The following KIF11 variants were observed in gnomAD, a reference collection of about 807,000 sequenced individuals.
The protein encoded by KIF11 is kinesin-like protein KIF11.
In KIF11, 9 loss-of-function variants were observed where a neutral mutation model predicts 121.0. The observed-to-expected ratio is 0.07, with a 90% CI of 0.04 to 0.13. The LOEUF (loss-of-function observed/expected upper bound fraction) is 0.13, where lower values mean the gene tolerates loss of function less well. Ranked by LOEUF, KIF11 falls within the 10% of genes least tolerant of loss-of-function variation. The probability of loss-of-function intolerance (pLI) is 1.00; values close to 1 mark genes in which losing one functional copy is unlikely to be tolerated. For synonymous variants in KIF11, 408 were observed against 421.0 expected (o/e 0.97, Z 0.38); for missense variants, 846 against 1,217.5 (o/e 0.69, Z 4.54).
chr10:92,638,227 A>C (rs7085790), intron 16 of KIF11, among the ~76,000 whole-genome samples: 22,684 of 152,146 alleles, frequency 0.15, 3,595 homozygotes, highest in African/African-American at 0.4. Context: ...ACATTTATTG[A>C]GCAATTCACT....
chr10:92,631,113 C>G (rs1277745188), intron 12 of KIF11, among the ~76,000 whole-genome samples: 1 of 150,008 alleles, frequency 6.7e-6, no homozygotes, highest in Non-Finnish European at 1.5e-5. Context: ...TGGTAAAACC[C>G]CATCTCTACT....
rs117424150 is a variant in KIF11, at chr10:92,624,135, C to T, written c.1217+2662C>T. On this transcript the variant is annotated intron_variant, in intron 10 of 21. Coordinates refer to ENST00000260731, the MANE Select transcript of KIF11 (RefSeq NM_004523.4). ...TTTAGCTCCTACTTATAAGTGAGAA[C>T]GTTTGGTGTTTGGTTTTCTGTTCCT... is the stretch of plus-strand genomic sequence containing the variant. Among the ~76,000 whole-genome samples, 710 of 151,612 alleles carry T rather than the reference C, an allele frequency of 4.7e-3. 3 individuals carry two copies. The highest frequency in any genetic ancestry group is 0.024 in the Middle Eastern group (7 of 294).
chr10:92,617,984 C>G (rs1354322316), intron 9 of KIF11, among the ~76,000 whole-genome samples: 1 of 152,064 alleles, frequency 6.6e-6, no homozygotes, highest in South Asian at 2.1e-4. Flanking sequence ...GTAATCTGCC[C>G]GCCTCAGCCT....
chr10:92,613,642 G>T lies in KIF11; in HGVS notation c.1032+23G>T, dbSNP rs1449117351. ...GAGGTAAGCCCTTTGAAAGGAAGCTGCAAGTGTAGTAGCTGTAATTCTTAT... is the reference window on the plus strand; with the variant it reads ...GAGGTAAGCCCTTTGAAAGGAAGCTTCAAGTGTAGTAGCTGTAATTCTTAT... On this transcript the variant is annotated intron_variant, in intron 8 of 21. Coordinates refer to ENST00000260731, the MANE Select transcript of KIF11 (RefSeq NM_004523.4). This position sits in a 1 kb window ranked among gnomAD's most constrained non-coding sequence, Gnocchi z 4.2. 46 of 1,590,384 alleles carry T rather than the reference G, an allele frequency of 2.9e-5. No homozygotes were observed. The highest frequency in any genetic ancestry group is 3.8e-5 in the Non-Finnish European group (45 of 1,169,260).
chr10:92,637,032 CAAAAAAAAAAAA>C (rs66987236), intron 14 of KIF11, 140 bp from the exon 15 acceptor site: 3 of 374,800 alleles, frequency 8.0e-6, no homozygotes, highest in Admixed American at 1.3e-4. Context: ...GACTCCGTCT[CAAAAAAAAAAAA>C]AAAAAAAAAG....
Position 92,633,811 on chromosome 10 carries a change from A to C in KIF11, c.1875+16A>C, listed in dbSNP as rs768272123. The C allele has an allele frequency of 6.6e-7, 1 of 1,505,062 alleles. No individual in the cohort carries two copies. The allele number at this position is 1,505,062 out of a possible 1,614,324, so 93.2% of individuals were successfully genotyped here. On this transcript the variant is annotated intron_variant, in intron 14 of 21. Coordinates refer to ENST00000260731, the MANE Select transcript of KIF11 (RefSeq NM_004523.4). ...GGAATTGATTGTTAGTACATCCTTTAAAATATTTTTGAAGGGTTGCATTTG... is the reference window on the plus strand; with the variant it reads ...GGAATTGATTGTTAGTACATCCTTTCAAATATTTTTGAAGGGTTGCATTTG...
intron 19 of KIF11, among the ~76,000 whole-genome samples, 174 bp from the exon 20 acceptor site, chr10:92,649,661 G>A (rs974689029): frequency 1.3e-5 from 2 of 152,168 alleles, no homozygotes; most frequent in African/African-American, 4.8e-5. Context: ...CATCAAATTA[G>A]AAAGTATTGT....
In KIF11 at chr10:92,645,660, G is replaced by A; in HGVS notation, c.2547+18G>A. The A allele has an allele frequency of 1.3e-6, 2 of 1,522,506 alleles. No individual in the cohort carries two copies. The highest frequency in any genetic ancestry group is 1.3e-5 in the South Asian group (1 of 79,474). The allele number at this position is 1,522,506 out of a possible 1,614,324, so 94.3% of individuals were successfully genotyped here. A position where few individuals can be genotyped will look rare whatever the true frequency, so the allele number is the denominator to read the frequency against. ...TATTGGAGGTAATAACTTTGTAAGT[G>A]GAACTTACTTTGGGGAGAATAATAA... On this transcript the variant is annotated intron_variant, in intron 18 of 21. Transcript: ENST00000260731.
At chr10:92,653,100 C>T (rs760620906) in intron 21 of KIF11, among the ~76,000 whole-genome samples, 3 of 152,060 alleles carry the variant, frequency 2.0e-5, no homozygotes, top group Non-Finnish European at 4.4e-5. Context: ...TTAAGGTGGC[C>T]CATATACCAG....
chr10:92,621,064 A>G (rs1378168076), intron 9 of KIF11, among the ~76,000 whole-genome samples: 1 of 152,198 alleles, frequency 6.6e-6, no homozygotes, highest in Non-Finnish European at 1.5e-5. Flanking sequence ...TTTCTGCCTC[A>G]GTCCTGGAAT....
At chr10:92,647,488 T>A (rs79998448) in intron 18 of KIF11, among the ~76,000 whole-genome samples, 13,289 of 152,202 alleles carry the variant, frequency 0.087, 669 homozygotes, top group Middle Eastern at 0.11. Context: ...AGTGGTGAAT[T>A]CTGGTTCAAA....
intron 6 of KIF11, among the ~76,000 whole-genome samples, chr10:92,611,689 C>T (rs777657329): frequency 2.0e-5 from 3 of 151,864 alleles, no homozygotes; most frequent in Non-Finnish European, 2.9e-5. Flanking sequence ...ACTTGAGGTC[C>T]GGAGTTCAAG....
At position 92,633,651 on chromosome 10, in the gene KIF11, A is replaced by G; in HGVS notation, c.1731A>G (p.Ala577=). Residue 577 remains alanine, a synonymous_variant, in exon 14 of 22, where the codon GCA becomes GCG. Coordinates refer to ENST00000260731, the MANE Select transcript of KIF11 (RefSeq NM_004523.4). ...ATCTGCTGTCTTCCAGTGTCTCTGC[A>G]TTAGATACCATTACTACAGTAGCAC... is the stretch of plus-strand genomic sequence containing the variant. ...FGNLLSSSVS[A]LDTITTVALG... is the part of the protein sequence containing the mutation. 1 of 1,607,790 alleles carries G rather than the reference A, an allele frequency of 6.2e-7. No homozygotes were observed. The highest frequency in any genetic ancestry group is 8.5e-7 in the Non-Finnish European group (1 of 1,175,576).
chr10:92,626,421 T>A (rs1452494687), intron 10 of KIF11, among the ~76,000 whole-genome samples: 1 of 152,206 alleles, frequency 6.6e-6, no homozygotes, highest in Non-Finnish European at 1.5e-5. Context: ...TCAAGATGGA[T>A]TAAAAACTTA....
intron 21 of KIF11, among the ~76,000 whole-genome samples, chr10:92,651,507 G>GTTTTTTTTTTTTTTTTTTTTTT (rs1175303233): frequency 3.8e-5 from 2 of 52,970 alleles, no homozygotes; most frequent in Non-Finnish European, 8.4e-5. Flanking sequence ...GGCTAATTTT[G>GTTTTTTTTTTTTTTTTTTTTTT]TTTTTTTTTT....
chr10:92,626,362 G>C (rs1356609245), intron 10 of KIF11, among the ~76,000 whole-genome samples: 35 of 152,208 alleles, frequency 2.3e-4, no homozygotes, highest in Admixed American at 2.2e-3. Flanking sequence ...TCCATGTGCA[G>C]AATATTGAAA....
At chr10:92,648,520 C>T in intron 19 of KIF11, 86 bp downstream of exon 19, 2 of 735,020 alleles carry the variant, frequency 2.7e-6, no homozygotes, top group Non-Finnish European at 4.4e-6. Flanking sequence ...AAAATTAGGT[C>T]CTGCCATTGC....
chr10:92,648,882 C>A (rs771982836), intron 19 of KIF11, among the ~76,000 whole-genome samples: 3 of 152,074 alleles, frequency 2.0e-5, no homozygotes, highest in Non-Finnish European at 4.4e-5. Context: ...CACCATGGAC[C>A]ATTAGCATTT....
At chr10:92,595,911 C>T (rs1844290087) in intron 1 of KIF11, among the ~76,000 whole-genome samples, 1 of 152,150 alleles carries the variant, frequency 6.6e-6, no homozygotes, top group African/African-American at 2.4e-5. Flanking sequence ...GGGTTTTCTT[C>T]CTTTTTAAGG....
Sources: allele counts gnomAD v4.1 joint callset (sites outside exome capture counted in the v4.1 genomes callset), GRCh38; gene constraint gnomAD v4.1.1; non-coding constraint Gnocchi (gnomAD v3.1); transcripts MANE v1.5; gene names NCBI Gene and HGNC (gene_info 2026-07-23, HGNC 2026-07-21).